Variants in FGF14 observed in about 807,000 individuals in gnomAD.
The protein encoded by FGF14 is fibroblast growth factor homologous factor 4.
In FGF14, 5 loss-of-function variants were observed where a neutral mutation model predicts 25.5. The ratio of observed to expected loss-of-function variants is 0.20; its 90% CI spans 0.10 to 0.41. FGF14 has a LOEUF of 0.41. Ranked by LOEUF, FGF14 falls within the 10% of genes least tolerant of loss-of-function variation. FGF14 has a pLI of 1.00. For synonymous variants in FGF14, 138 were observed against 118.3 expected, an observed-to-expected ratio of 1.17 and a Z score of -1.08; for missense variants, 222 against 320.1, an observed-to-expected ratio of 0.69 and a Z score of 2.34.
chr13:102,179,053 C>T (rs1368841213), intron 1 of FGF14, among the ~76,000 whole-genome samples: 2 of 152,050 alleles, frequency 1.3e-5, no homozygotes, highest in South Asian at 2.1e-4. Context: ...AAAGTAATGT[C>T]AAGTGTCGTC....
chr13:102,061,931 A>AAC (rs1225877289), intron 1 of FGF14, among the ~76,000 whole-genome samples: 9 of 152,192 alleles, frequency 5.9e-5, no homozygotes, highest in Non-Finnish European at 1.0e-4. Flanking sequence ...CTCTAGCCAC[A>AAC]ACCACTGTCT....
chr13:102,253,609 G>A (rs2052302415), intron 1 of FGF14, among the ~76,000 whole-genome samples: 1 of 152,152 alleles, frequency 6.6e-6, no homozygotes, highest in Non-Finnish European at 1.5e-5. Flanking sequence ...CCCCCATTCT[G>A]TAGGTTGCCT....
At chr13:101,973,024 C>T (rs550114239) in intron 1 of FGF14, among the ~76,000 whole-genome samples, 2 of 152,140 alleles carry the variant, frequency 1.3e-5, no homozygotes, top group Non-Finnish European at 2.9e-5. Flanking sequence ...CAAACACCCA[C>T]TGAGTACTAT....
intron 1 of FGF14, among the ~76,000 whole-genome samples, chr13:102,112,591 G>T (rs578172642): frequency 6.6e-6 from 1 of 152,104 alleles, no homozygotes; most frequent in East Asian, 1.9e-4. Flanking sequence ...TGTGCTCCAG[G>T]CATTTGGAAT....
chr13:102,392,710 ACTC>A (rs1476345191), intron 1 of FGF14, among the ~76,000 whole-genome samples: 3 of 151,848 alleles, frequency 2.0e-5, no homozygotes, highest in Non-Finnish European at 4.4e-5. Context: ...AAAATTCCAG[ACTC>A]CTCCTTCAAC....
intron 3 of FGF14, among the ~76,000 whole-genome samples, chr13:101,824,680 G>A (rs1268458882): frequency 6.6e-6 from 1 of 152,088 alleles, no homozygotes; most frequent in Non-Finnish European, 1.5e-5. Flanking sequence ...ATGACTGATG[G>A]CTGAAACCTC....
At chr13:101,909,287 C>T (rs1487173550) in intron 1 of FGF14, among the ~76,000 whole-genome samples, 1 of 152,110 alleles carries the variant, frequency 6.6e-6, no homozygotes, top group Non-Finnish European at 1.5e-5. Context: ...AAGAAACCAC[C>T]ATCAGAGTGA....
intron 1 of FGF14, among the ~76,000 whole-genome samples, chr13:101,989,284 T>C (rs919694272): frequency 3.9e-5 from 6 of 152,108 alleles, no homozygotes; most frequent in Non-Finnish European, 1.5e-5. Context: ...TTGTAATTAT[T>C]AAAAACTCCA....
intron 1 of FGF14, among the ~76,000 whole-genome samples, chr13:101,962,897 A>G (rs1422317215): frequency 1.3e-5 from 2 of 152,204 alleles, no homozygotes; most frequent in Non-Finnish European, 2.9e-5. Context: ...ATAAATGTAA[A>G]CTGCTTGCAC....
At chr13:102,021,376 C>G (rs930741365) in intron 1 of FGF14, among the ~76,000 whole-genome samples, 14 of 151,866 alleles carry the variant, frequency 9.2e-5, no homozygotes, top group African/African-American at 2.9e-4. Context: ...GAGTGAAGTT[C>G]AAGGTGGATA....
At chr13:102,227,494 C>T (rs1764578484) in intron 1 of FGF14, among the ~76,000 whole-genome samples, 1 of 152,024 alleles carries the variant, frequency 6.6e-6, no homozygotes, top group African/African-American at 2.4e-5. Context: ...TTTTTGTCCC[C>T]TATGCATCCC....
At chr13:102,091,249 C>T (rs2044151477) in intron 1 of FGF14, among the ~76,000 whole-genome samples, 1 of 152,138 alleles carries the variant, frequency 6.6e-6, no homozygotes, top group Non-Finnish European at 1.5e-5. Context: ...TAAACTTGCA[C>T]TTCTATGCTC....
chr13:102,348,040 T>C (rs143420578), intron 1 of FGF14, among the ~76,000 whole-genome samples: 1 of 151,410 alleles, frequency 6.6e-6, no homozygotes, highest in African/African-American at 2.4e-5. Context: ...TAAGCACATC[T>C]CATGAGGATG....
intron 1 of FGF14, among the ~76,000 whole-genome samples, chr13:102,068,502 C>T (rs569471055): frequency 5.3e-5 from 8 of 152,142 alleles, no homozygotes; most frequent in South Asian, 2.1e-4. Context: ...ACCAGGGCTG[C>T]GTACAGTGCT....
intron 1 of FGF14, among the ~76,000 whole-genome samples, chr13:102,338,189 C>T (rs545383059): frequency 1.3e-5 from 2 of 152,058 alleles, no homozygotes; most frequent in African/African-American, 2.4e-5. Context: ...ATCCCTACTT[C>T]CAACACAATC....
intron 1 of FGF14, among the ~76,000 whole-genome samples, chr13:102,378,186 T>C (rs2058084541): frequency 6.6e-6 from 1 of 152,170 alleles, no homozygotes; most frequent in South Asian, 2.1e-4. Flanking sequence ...TGAACCCTAA[T>C]GTAAACTATG....
At chr13:101,834,830 C>G (rs1488001296) in intron 3 of FGF14, among the ~76,000 whole-genome samples, 1 of 152,000 alleles carries the variant, frequency 6.6e-6, no homozygotes, top group Non-Finnish European at 1.5e-5. Context: ...ATGAGGAATA[C>G]AGTGTTAGGG....
intron 1 of FGF14, among the ~76,000 whole-genome samples, chr13:102,311,823 C>A (rs2055783004): frequency 6.6e-6 from 1 of 152,120 alleles, no homozygotes; most frequent in African/African-American, 2.4e-5. Flanking sequence ...AGGCATAACA[C>A]AACATTTGCC....
chr13:101,797,420 G>A (rs1437088344), intron 3 of FGF14, among the ~76,000 whole-genome samples: 1 of 152,030 alleles, frequency 6.6e-6, no homozygotes, highest in East Asian at 1.9e-4. Flanking sequence ...GTTTGTTGGT[G>A]ACTGGAATGA....
Sources: allele counts gnomAD v4.1 joint callset (sites outside exome capture counted in the v4.1 genomes callset), GRCh38; gene constraint gnomAD v4.1.1; transcripts MANE v1.5; gene names NCBI Gene and HGNC (gene_info 2026-07-23, HGNC 2026-07-21).